Variants in LEF1 observed in about 807,000 individuals in gnomAD.
LEF1 encodes lymphoid enhancer binding factor 1, also known as lymphoid enhancer-binding factor 1.
A neutral mutation model predicts 51.2 loss-of-function variants in LEF1; 14 were observed. The ratio of observed to expected loss-of-function variants is 0.27; its 90% CI spans 0.18 to 0.43. The LOEUF is 0.43. Among genes scored for constraint, LEF1 ranks in the 20% least tolerant of loss-of-function variants. The pLI, the probability that LEF1 is intolerant of heterozygous loss-of-function variation, is 1.00. For synonymous variants in LEF1, 185 were observed against 183.2 expected, an observed-to-expected ratio of 1.01 and a Z score of -0.08; for missense variants, 386 against 512.0, an observed-to-expected ratio of 0.75 and a Z score of 2.37.
rs11394687 is a variant in LEF1 at position 108,144,865 on chromosome 4, CAAAAAAAAA to C, written c.414+18694_414+18702del. 2.6e-4 allele frequency among the ~76,000 whole-genome samples: 11 copies of C among 41,928 alleles called. No homozygotes were observed. In the East Asian group the frequency reaches 4.8e-3, roughly 18 times the overall value. The allele number at this position is 41,928 out of a possible 152,430, so 27.5% of individuals were successfully genotyped here. On this transcript the variant is annotated intron_variant, in intron 3 of 11. Coordinates refer to ENST00000265165, the MANE Select transcript of LEF1 (RefSeq NM_016269.5). ...ACAGCAAAGAATTGACCCAACCAGC[CAAAAAAAAA>C]AAAAAAAAAAAAAAAGAAGAGTATC...
At chr4:108,076,667 C>T (rs577931934) in intron 8 of LEF1, among the ~76,000 whole-genome samples, 3 of 152,284 alleles carry the variant, frequency 2.0e-5, no homozygotes, top group East Asian at 1.9e-4. Context: ...CATGAGCCAC[C>T]GTGCCCAGTG....
chr4:108,165,117 G>T lies in LEF1; in HGVS notation c.260C>A (p.Ala87Asp), dbSNP rs759319967. 2.5e-6 allele frequency: 4 copies of T among 1,614,048 alleles called. No individual in the cohort carries two copies. The highest frequency in any genetic ancestry group is 3.4e-6 in the Non-Finnish European group (4 of 1,179,990). Reference protein sequence around the residue: ...QTSQEPYHDKAREHPDDGKHP... With the variant: ...QTSQEPYHDKDREHPDDGKHP... ...CTTACCGTCATCGGGGTGTTCTCTG[G>T]CCTTGTCGTGGTAGGGCTCCTGAGA... Residue 87 changes from alanine to aspartate, a missense_variant, in exon 2 of 12, where the codon GCC becomes GAC. Ala to Asp is a moderately radical substitution (Grantham distance 126, BLOSUM62 -2). This residue lies in a region of LEF1 where 335 missense variants were observed against 390.7 expected (regional missense o/e 0.86). Transcript: ENST00000265165.
At chr4:108,123,461 A>C in intron 3 of LEF1, among the ~76,000 whole-genome samples, 1 of 92,420 alleles carries the variant, frequency 1.1e-5, no homozygotes, top group Admixed American at 1.1e-4. Flanking sequence ...TTTTTTTTTA[A>C]ACCTATTAGT....
chr4:108,064,717 T>C (rs574317963), intron 9 of LEF1, among the ~76,000 whole-genome samples: 135 of 150,124 alleles, frequency 9.0e-4, no homozygotes, highest in African/African-American at 3.0e-3. Context: ...GCTGTGGCCA[T>C]AGAGCCTTCT....
chr4:108,097,506 T>C (rs1171069039), intron 3 of LEF1, among the ~76,000 whole-genome samples: 1 of 152,190 alleles, frequency 6.6e-6, no homozygotes, highest in African/African-American at 2.4e-5. Context: ...GATCTAGTTT[T>C]GATAGCTAGC....
chr4:108,078,393 G>T lies in LEF1; in HGVS notation c.846-11C>A. On this transcript the variant is annotated splice_polypyrimidine_tract_variant and intron_variant, in intron 7 of 11. Coordinates refer to ENST00000265165, the MANE Select transcript of LEF1 (RefSeq NM_016269.5). The stretch of plus-strand genomic sequence containing the variant: ...TCATGCTGAGGCTTCCTAAAAGGTG[G>T]TGGTGGTGGTGGTTAGGGGAAGGGG... 4.3e-6 allele frequency: 7 copies of T among 1,614,068 alleles called. No homozygotes were observed. Among genetic ancestry groups the T allele is most frequent in the Non-Finnish European group, 5.1e-6 (6 of 1,179,982 alleles).
In LEF1 at chr4:108,167,379, C is replaced by G. The variant is rs946039480; in HGVS notation, c.213+176G>C. On this transcript the variant is annotated intron_variant, in intron 1 of 11. Coordinates refer to ENST00000265165, the MANE Select transcript of LEF1 (RefSeq NM_016269.5). This position sits in a 1 kb window ranked among gnomAD's most constrained non-coding sequence, Gnocchi z 5.7. ...ACACACACACACACACACACACACA[C>G]ACACACACACACACACTGCGGACCG... 1.8e-5 allele frequency: 11 copies of G among 625,334 alleles called. No homozygotes were observed. The highest frequency in any genetic ancestry group is 2.8e-5 in the Non-Finnish European group (10 of 354,940). 38.7% of individuals were successfully genotyped at this position (625,334 alleles called of 1,614,324 possible). A position where few individuals can be genotyped will look rare whatever the true frequency, so the allele number is the denominator to read the frequency against.
rs146059457 is a variant in LEF1, at chr4:108,062,207, G to C, written c.*6+1416C>G. 4.3e-4 allele frequency among the ~76,000 whole-genome samples: 65 copies of C among 152,270 alleles called. 1 individual carries two copies. The highest frequency in any genetic ancestry group is 1.5e-3 in the African/African-American group (61 of 41,538). ...TCTATTTGGTACCAAAATCTCTGCT[G>C]GCCCCTTTTGGGCAAGTTGTTTGAA... On this transcript the variant is annotated intron_variant, in intron 11 of 11. Coordinates refer to ENST00000265165, the MANE Select transcript of LEF1 (RefSeq NM_016269.5).
intron 3 of LEF1, among the ~76,000 whole-genome samples, chr4:108,158,043 C>T (rs1355935877): frequency 2.6e-5 from 4 of 151,950 alleles, no homozygotes; most frequent in Non-Finnish European, 5.9e-5. Flanking sequence ...ACTCCCAACT[C>T]CCCCCACCTC....
At chr4:108,076,022 T>G (rs2126282285) in intron 8 of LEF1, among the ~76,000 whole-genome samples, 1 of 40,022 alleles carries the variant, frequency 2.5e-5, no homozygotes. Flanking sequence ...TTGCTGTAGC[T>G]CCCTAAAGAG....
At chr4:108,142,919 T>C (rs1202260732) in intron 3 of LEF1, among the ~76,000 whole-genome samples, 2 of 152,342 alleles carry the variant, frequency 1.3e-5, no homozygotes, top group African/African-American at 4.8e-5. Flanking sequence ...AAAGATTTAA[T>C]ATTGTTTATG....
At chr4:108,097,155 C>A (rs1024027474) in intron 3 of LEF1, among the ~76,000 whole-genome samples, 2 of 152,198 alleles carry the variant, frequency 1.3e-5, no homozygotes, top group Non-Finnish European at 2.9e-5. Flanking sequence ...TACTGCAGCA[C>A]TATTCACAAT....
chr4:108,119,056 A>G (rs1304218414), intron 3 of LEF1, among the ~76,000 whole-genome samples: 2 of 151,584 alleles, frequency 1.3e-5, no homozygotes, highest in African/African-American at 2.4e-5. Context: ...ACCAAAGAAA[A>G]ACACATGAAA....
rs559083661 is a variant in LEF1, at chr4:108,144,506, T to A, written c.414+19062A>T. On this transcript the variant is annotated intron_variant, in intron 3 of 11. Transcript: ENST00000265165. ...ATTGGATGGTGCCCAATTTTCAACA[T>A]GCTCATGAAAGACTGAGAACTGTCT... Among the ~76,000 whole-genome samples, 6 of 152,346 alleles carry A rather than the reference T, an allele frequency of 3.9e-5. No homozygotes were observed. In the East Asian group the frequency reaches 9.7e-4, roughly 25 times the overall value.
At chr4:108,111,475 G>A (rs1741525519) in intron 3 of LEF1, among the ~76,000 whole-genome samples, 1 of 152,188 alleles carries the variant, frequency 6.6e-6, no homozygotes, top group Non-Finnish European at 1.5e-5. Flanking sequence ...GGGGAAAACA[G>A]GAGATGCCTG....
intron 3 of LEF1, among the ~76,000 whole-genome samples, chr4:108,149,492 T>A (rs1744225061): frequency 1.4e-5 from 2 of 148,078 alleles, no homozygotes; most frequent in Admixed American, 6.7e-5. Flanking sequence ...TATAAATATA[T>A]TTTTAACACG....
intron 3 of LEF1, among the ~76,000 whole-genome samples, chr4:108,100,250 A>G (rs572106099): frequency 6.6e-6 from 1 of 152,220 alleles, no homozygotes; most frequent in African/African-American, 2.4e-5. Flanking sequence ...AAAGCTCTCA[A>G]ATAAGTCAAG....
chr4:108,100,017 T>C (rs1740706611), intron 3 of LEF1, among the ~76,000 whole-genome samples: 1 of 152,148 alleles, frequency 6.6e-6, no homozygotes, highest in Non-Finnish European at 1.5e-5. Context: ...TTTCACATCA[T>C]AGCACATTAT....
intron 11 of LEF1, among the ~76,000 whole-genome samples, chr4:108,050,247 C>A (rs1736891495): frequency 6.6e-6 from 1 of 152,222 alleles, no homozygotes; most frequent in South Asian, 2.1e-4. Context: ...AACACTACAG[C>A]ATTGTGTTAA....
Sources: gnomAD v4.1 joint callset for allele counts (sites outside exome capture counted in the v4.1 genomes callset) on GRCh38, gnomAD v4.1.1 for gene constraint, gnomAD v4.1.1 regional missense constraint, Gnocchi (gnomAD v3.1) non-coding constraint, MANE v1.5 for transcripts, NCBI Gene and HGNC (gene_info 2026-07-23, HGNC 2026-07-21) for gene names.